The following TBC1D5 variants were observed in gnomAD, a reference collection of about 807,000 sequenced individuals.
TBC1D5 encodes the protein TBC1 domain family member 5, also known as TBC1 domain family, member 5.
A neutral mutation model predicts 100.3 loss-of-function variants in TBC1D5; 75 were observed. That is an observed-to-expected ratio of 0.75 (90% CI 0.62 to 0.91). TBC1D5 has a LOEUF of 0.91. Among genes scored for constraint, TBC1D5 ranks in the 40% least tolerant of loss-of-function variants. The probability of loss-of-function intolerance (pLI) is 0.00; values close to 1 mark genes in which losing one functional copy is unlikely to be tolerated. For missense variants in TBC1D5, 910 were observed against 942.4 expected, an observed-to-expected ratio of 0.97 and a Z score of 0.45; for synonymous variants, 323 against 325.6, an observed-to-expected ratio of 0.99 and a Z score of 0.09.
At chr3:17,456,743 A>C (rs1049201453) in intron 3 of TBC1D5, among the ~76,000 whole-genome samples, 2 of 152,004 alleles carry the variant, frequency 1.3e-5, no homozygotes, top group Admixed American at 6.6e-5. Context: ...GGTTCCTCAA[A>C]AATCTAAAAT....
At chr3:17,235,871 C>T (rs1230420919) in intron 17 of TBC1D5, among the ~76,000 whole-genome samples, 1 of 151,582 alleles carries the variant, frequency 6.6e-6, no homozygotes, top group Non-Finnish European at 1.5e-5. Flanking sequence ...TTAGCAGGAA[C>T]ATTTATCATT....
Position 17,507,506 on chromosome 3 carries a change from C to T in TBC1D5, c.97+968G>A, listed in dbSNP as rs191535684. 3.1e-3 allele frequency among the ~76,000 whole-genome samples: 473 copies of T among 152,194 alleles called. 8 individuals are homozygous for T. The highest frequency in any genetic ancestry group is 8.1e-4 in the Non-Finnish European group (55 of 68,006). On this transcript the variant is annotated intron_variant, in intron 3 of 21. Transcript: ENST00000253692. ...AATTTGTGTTCTAAAGAAATAGCCA[C>T]TTTAGGTGGGGGTCAATTCTTTTTT... is the stretch of plus-strand genomic sequence containing the variant.
chr3:17,421,971 T>C (rs1244305654), intron 4 of TBC1D5, among the ~76,000 whole-genome samples: 2 of 152,114 alleles, frequency 1.3e-5, no homozygotes, highest in Non-Finnish European at 2.9e-5. Context: ...TTCTAGGCCT[T>C]CCTCCCTCCT....
chr3:17,263,162 C>T lies in TBC1D5; in HGVS notation c.1246-4571G>A, dbSNP rs530989620. On this transcript the variant is annotated intron_variant, in intron 15 of 21. Coordinates refer to ENST00000253692, the Ensembl canonical transcript of TBC1D5. ...GAGGCTGCAGTGAACTATGATCATGCCACTGCATTCCAATCTCGGTGACTG... is the reference window on the plus strand; with the variant it reads ...GAGGCTGCAGTGAACTATGATCATGTCACTGCATTCCAATCTCGGTGACTG... Among the ~76,000 whole-genome samples the T allele has an allele frequency of 1.5e-3, 226 of 151,642 alleles. 1 individual carries two copies. Among genetic ancestry groups the T allele is most frequent in the South Asian group, 2.3e-3 (11 of 4,776 alleles).
intron 5 of TBC1D5, among the ~76,000 whole-genome samples, chr3:17,405,743 CT>C (rs1203032078): frequency 1.3e-5 from 2 of 151,936 alleles, no homozygotes; most frequent in Non-Finnish European, 2.9e-5. Context: ...GTGTTTTTGT[CT>C]TTACTTGCAC....
chr3:17,423,906 CTT>C (rs1290752220), intron 4 of TBC1D5, among the ~76,000 whole-genome samples: 1 of 152,044 alleles, frequency 6.6e-6, no homozygotes, highest in Non-Finnish European at 1.5e-5. Flanking sequence ...CTGGTCTGAG[CTT>C]TCTCTAACTA....
At position 17,177,890 on chromosome 3, in the gene TBC1D5, C is replaced by CCAT. The variant is rs535512298; in HGVS notation, c.1852+7216_1852+7218dup. On this transcript the variant is annotated intron_variant, in intron 19 of 21. Transcript: ENST00000253692. Reference sequence around the variant, plus strand: ...CCTCAAGCATTTATTCTTTGTGTTACCATCATTCTACTCTTTATCTCCATG... The same window carrying CCAT: ...CCTCAAGCATTTATTCTTTGTGTTACCATCATCATTCTACTCTTTATCTCCATG... Among the ~76,000 whole-genome samples the CCAT allele has an allele frequency of 1.3e-3, 199 of 152,174 alleles. 3 individuals carry two copies. Among genetic ancestry groups the CCAT allele is most frequent in the South Asian group, 6.4e-3 (31 of 4,818 alleles).
intron 17 of TBC1D5, among the ~76,000 whole-genome samples, chr3:17,226,216 G>A (rs2074880720): frequency 6.6e-6 from 1 of 150,886 alleles, no homozygotes; most frequent in Non-Finnish European, 1.5e-5. Flanking sequence ...GCTCATCCAG[G>A]CTTCCCCTGG....
At chr3:17,391,529 G>A (rs966948746) in intron 8 of TBC1D5, among the ~76,000 whole-genome samples, 1 of 151,806 alleles carries the variant, frequency 6.6e-6, no homozygotes, top group Non-Finnish European at 1.5e-5. Flanking sequence ...AAATATAATA[G>A]AGGTTTTGAT....
chr3:17,303,952 T>C (rs2083137056), intron 14 of TBC1D5, among the ~76,000 whole-genome samples: 1 of 150,566 alleles, frequency 6.6e-6, no homozygotes, highest in African/African-American at 2.4e-5. Flanking sequence ...GCTATCTTTA[T>C]CACATCTCCA....
chr3:17,523,175 A>C (rs2096082267), intron 2 of TBC1D5, among the ~76,000 whole-genome samples: 2 of 152,178 alleles, frequency 1.3e-5, no homozygotes. Context: ...AATTGAGTCT[A>C]GCAAGTTAAC....
chr3:17,370,820 T>C (rs1241482418), intron 13 of TBC1D5, among the ~76,000 whole-genome samples: 1 of 152,152 alleles, frequency 6.6e-6, no homozygotes, highest in Admixed American at 6.6e-5. Context: ...AAATAATGAA[T>C]TCACATTTAT....
At chr3:17,173,871 C>A (rs1314521784) in intron 19 of TBC1D5, among the ~76,000 whole-genome samples, 4 of 152,234 alleles carry the variant, frequency 2.6e-5, no homozygotes, top group African/African-American at 9.6e-5. Flanking sequence ...GGCCATTAGT[C>A]AGAGAGAGGG....
chr3:17,286,163 A>G (rs2081167534), intron 15 of TBC1D5, among the ~76,000 whole-genome samples: 1 of 152,222 alleles, frequency 6.6e-6, no homozygotes. Context: ...CACAACACAA[A>G]TAAGAGAACA....
chr3:17,448,164 C>G (rs1286498755), intron 3 of TBC1D5, among the ~76,000 whole-genome samples: 1 of 152,156 alleles, frequency 6.6e-6, no homozygotes, highest in Non-Finnish European at 1.5e-5. Flanking sequence ...TCATTCATTA[C>G]AGTTTTATCA....
chr3:17,364,276 T>C (rs1463354928), intron 13 of TBC1D5, among the ~76,000 whole-genome samples: 1 of 152,152 alleles, frequency 6.6e-6, no homozygotes, highest in Non-Finnish European at 1.5e-5. Context: ...TTTGTGATCT[T>C]TCCTTCTTTT....
In TBC1D5 at chr3:17,166,824, G is replaced by GC. The variant is rs2066654892; in HGVS notation, c.2036dup (p.Gln680ProfsTer18). On this transcript the variant is annotated frameshift_variant, in exon 21 of 22. Coordinates refer to ENST00000253692, the Ensembl canonical transcript of TBC1D5. LOFTEE classifies it high-confidence loss of function. ...GGCCTTGGCCTCGGCCCTGGCCCTG[G>GC]CCGCTGGAGCAGTAGTGGTTGTCCG... 1.3e-5 allele frequency: 21 copies of GC among 1,614,096 alleles called. No homozygotes were observed. Among genetic ancestry groups the GC allele is most frequent in the Non-Finnish European group, 1.8e-5 (21 of 1,180,030 alleles).
At chr3:17,541,931 T>G (rs1479338774) in intron 2 of TBC1D5, among the ~76,000 whole-genome samples, 1 of 152,196 alleles carries the variant, frequency 6.6e-6, no homozygotes, top group Admixed American at 6.5e-5. Flanking sequence ...TACACACCTA[T>G]TATAAAGTTT....
At chr3:17,514,896 T>C (rs1366273766) in intron 2 of TBC1D5, among the ~76,000 whole-genome samples, 2 of 151,816 alleles carry the variant, frequency 1.3e-5, no homozygotes, top group Non-Finnish European at 1.5e-5. Flanking sequence ...TATTATGATG[T>C]AGCCATATAA....
Sources: allele counts gnomAD v4.1 joint callset (sites outside exome capture counted in the v4.1 genomes callset), GRCh38; gene constraint gnomAD v4.1.1; transcripts MANE v1.5; gene names NCBI Gene and HGNC (gene_info 2026-07-23, HGNC 2026-07-21).